The following MBD5 variants were observed in gnomAD, a reference collection of about 807,000 sequenced individuals.
MBD5 encodes the protein methyl-CpG binding domain protein 5, also known as methyl-CpG-binding domain protein 5.
Under a neutral mutation model 117.3 loss-of-function variants are expected in MBD5, and 13 were observed. The observed-to-expected ratio is 0.11, with a 90% CI of 0.07 to 0.18. The LOEUF is 0.18. MBD5 is among the 10% of genes least tolerant of loss of function. MBD5 has a pLI of 1.00. For missense variants in MBD5, 1,879 were observed against 2,093.8 expected, an observed-to-expected ratio of 0.90 and a Z score of 2.00; for synonymous variants, 727 against 766.4, an observed-to-expected ratio of 0.95 and a Z score of 0.85.
chr2:148,315,846 C>T (rs991128024), intron 3 of MBD5, among the ~76,000 whole-genome samples: 5 of 152,194 alleles, frequency 3.3e-5, no homozygotes, highest in African/African-American at 1.2e-4. Context: ...ATCTTCAAGA[C>T]TAATTTTAAC....
chr2:148,381,031 A>G (rs1704126443), intron 4 of MBD5, among the ~76,000 whole-genome samples: 1 of 152,206 alleles, frequency 6.6e-6, no homozygotes, highest in Non-Finnish European at 1.5e-5. Context: ...AAAACAGAGC[A>G]GAAAAACCAG....
intron 4 of MBD5, among the ~76,000 whole-genome samples, chr2:148,427,890 A>G (rs1312531090): frequency 6.6e-6 from 1 of 152,206 alleles, no homozygotes; most frequent in Non-Finnish European, 1.5e-5. Flanking sequence ...CCAATATCAT[A>G]CTGAATGTGC....
chr2:148,068,289 C>A (rs1695259994), intron 1 of MBD5, among the ~76,000 whole-genome samples: 1 of 152,136 alleles, frequency 6.6e-6, no homozygotes, highest in Admixed American at 6.5e-5. Context: ...CCTGATTCTG[C>A]CCTACTCACA....
intron 10 of MBD5, 127 bp from the exon 11 acceptor site, chr2:148,489,259 G>A (rs868072473): frequency 8.5e-7 from 1 of 1,181,908 alleles, no homozygotes; most frequent in South Asian, 1.4e-5. Context: ...TTTGAGTCTT[G>A]TTCTTTATAT....
At chr2:148,352,100 C>A (rs1703263852) in intron 4 of MBD5, among the ~76,000 whole-genome samples, 1 of 151,924 alleles carries the variant, frequency 6.6e-6, no homozygotes, top group Non-Finnish European at 1.5e-5. Flanking sequence ...TTGACTAGTT[C>A]TCAGTTTTCT....
At chr2:148,472,731 C>G (rs1295701377) in intron 8 of MBD5, among the ~76,000 whole-genome samples, 1 of 152,112 alleles carries the variant, frequency 6.6e-6, no homozygotes, top group African/African-American at 2.4e-5. Flanking sequence ...AGGAGTGTTA[C>G]TGAGTATTTC....
chr2:148,485,843 C>G lies in MBD5; in HGVS notation c.3646C>G (p.Gln1216Glu). The G allele has an allele frequency of 6.2e-7, 1 of 1,614,114 alleles. No homozygotes were observed. The highest frequency in any genetic ancestry group is 1.3e-5 in the African/African-American group (1 of 75,052). The change falls in exon 10 of 14, where the codon CAG becomes GAG. Residue 1216 changes from glutamine (Q) to glutamate (E), a missense_variant. By Grantham distance (29) the Gln-to-Glu change is conservative. Around this residue, in one of 4 missense-constraint regions of MBD5, gnomAD observed 1,666 missense variants for 1,792.2 expected, o/e 0.93. Transcript: ENST00000642680. The stretch of plus-strand genomic sequence containing the variant: ...GATGTTTCCTCCAAATCAGCAACAG[C>G]AGCAACTTCTCCAGGGGTACCAGAA... ...NQMFPPNQQQ[Q>E]QLLQGYQNLQ...
At chr2:148,482,507 A>G (rs2105065893) in intron 8 of MBD5, among the ~76,000 whole-genome samples, 1 of 152,226 alleles carries the variant, frequency 6.6e-6, no homozygotes, top group East Asian at 1.9e-4. Context: ...GTGTATATAT[A>G]TATGCATGCC....
intron 3 of MBD5, among the ~76,000 whole-genome samples, chr2:148,325,898 T>C (rs1427029210): frequency 3.9e-5 from 6 of 152,202 alleles, no homozygotes; most frequent in Admixed American, 2.0e-4. Flanking sequence ...TGTTTGCTCT[T>C]GCTTTTCTAG....
At chr2:148,141,347 C>T (rs1697308408) in intron 1 of MBD5, among the ~76,000 whole-genome samples, 1 of 152,078 alleles carries the variant, frequency 6.6e-6, no homozygotes, top group Non-Finnish European at 1.5e-5. Context: ...TCTGATTAAC[C>T]TGATTAACCC....
At chr2:148,486,274 C>T (rs182811166) in intron 10 of MBD5, among the ~76,000 whole-genome samples, 18 of 152,262 alleles carry the variant, frequency 1.2e-4, no homozygotes, top group African/African-American at 4.1e-4. Context: ...CCACCCTCTC[C>T]AGCCTCAGCT....
At chr2:148,052,588 ATATGT>A (rs112512849) in intron 1 of MBD5, among the ~76,000 whole-genome samples, 63,343 of 151,342 alleles carry the variant, frequency 0.42, 13,368 homozygotes, top group Middle Eastern at 0.55. Context: ...ATAAGTTTTC[ATATGT>A]TATGTTTTCG....
intron 1 of MBD5, among the ~76,000 whole-genome samples, chr2:148,049,018 TG>T (rs1694621050): frequency 6.6e-6 from 1 of 152,128 alleles, no homozygotes; most frequent in Admixed American, 6.5e-5. Flanking sequence ...TCATTAGTGA[TG>T]TTAGTGTCTG....
intron 2 of MBD5, among the ~76,000 whole-genome samples, chr2:148,185,314 T>G (rs1432770467): frequency 6.6e-6 from 1 of 152,172 alleles, no homozygotes; most frequent in African/African-American, 2.4e-5. Context: ...TCTTGGCTTT[T>G]TTTCTTTATA....
rs756696814 is a variant in MBD5, at chr2:148,483,450, C to G, written c.2859C>G (p.Ile953Met). ...CAGCAGGAGAAGGCAAGTCTGAGAT[C>G]AACCTCCACCCTTTAGGTTTTCTCA... ...QPSAGEGKSE[I>M]NLHPLGFLNP... Residue 953 changes from isoleucine (I) to methionine (M), a missense_variant, in exon 9 of 14, where the codon ATC (isoleucine) becomes ATG (methionine). By Grantham distance (10) the Ile-to-Met change is conservative. Coordinates refer to ENST00000642680, the MANE Select transcript of MBD5 (RefSeq NM_001378120.1). 1.2e-6 allele frequency: 2 copies of G among 1,613,936 alleles called. No individual in the cohort carries two copies. The highest frequency in any genetic ancestry group is 1.1e-5 in the South Asian group (1 of 91,062).
At chr2:148,154,339 G>T (rs878898697) in intron 1 of MBD5, among the ~76,000 whole-genome samples, 5 of 151,820 alleles carry the variant, frequency 3.3e-5, no homozygotes, top group African/African-American at 1.2e-4. Flanking sequence ...CTTCAAAGCT[G>T]TCAGACAGGG....
At chr2:148,109,214 G>T (rs1343986243) in intron 1 of MBD5, among the ~76,000 whole-genome samples, 3 of 152,102 alleles carry the variant, frequency 2.0e-5, no homozygotes, top group African/African-American at 7.2e-5. Flanking sequence ...GAGGCCAGGA[G>T]GTGGAGGCTG....
At position 148,170,172 on chromosome 2, in the gene MBD5, C is replaced by T. The variant is rs887453385; in HGVS notation, c.-924-8528C>T. 5.9e-5 allele frequency among the ~76,000 whole-genome samples: 9 copies of T among 152,358 alleles called. No individual in the cohort carries two copies. The East Asian group carries it at 1.7e-3, about 29-fold the overall frequency. On this transcript the variant is annotated intron_variant, in intron 1 of 13. Coordinates refer to ENST00000642680, the MANE Select transcript of MBD5 (RefSeq NM_001378120.1). Reference sequence around the variant, plus strand: ...TCGGCTTCCCAAAGTGCTGGGATTACAGGCGTGAGCCACCGCGCCCGGCCC... The same window carrying T: ...TCGGCTTCCCAAAGTGCTGGGATTATAGGCGTGAGCCACCGCGCCCGGCCC...
intron 4 of MBD5, among the ~76,000 whole-genome samples, chr2:148,383,687 T>G (rs1221969478): frequency 2.0e-5 from 3 of 152,004 alleles, no homozygotes; most frequent in African/African-American, 7.2e-5. Flanking sequence ...ATATCCTTGA[T>G]GAACATTGAT....
Sources: allele counts gnomAD v4.1 joint callset (sites outside exome capture counted in the v4.1 genomes callset), GRCh38; gene constraint gnomAD v4.1.1; regional missense constraint gnomAD v4.1.1; transcripts MANE v1.5; gene names NCBI Gene and HGNC (gene_info 2026-07-23, HGNC 2026-07-21).